RAPGEF5: variants seen among roughly 807,000 people sequenced by gnomAD.
RAPGEF5 encodes the protein Rap guanine nucleotide exchange factor 5.
A neutral mutation model predicts 125.2 loss-of-function variants in RAPGEF5; 65 were observed. The observed-to-expected ratio is 0.52, with a 90% CI of 0.43 to 0.64. RAPGEF5 has a LOEUF of 0.64. Among genes scored for constraint, RAPGEF5 ranks in the 30% least tolerant of loss-of-function variants. The pLI, the probability that RAPGEF5 is intolerant of heterozygous loss-of-function variation, is 0.00. For missense variants in RAPGEF5, 958 were observed against 1,048.1 expected (o/e 0.91, Z 1.19); for synonymous variants, 391 against 385.9 (o/e 1.01, Z -0.16).
At chr7:22,350,488 G>A (rs903097193) in intron 1 of RAPGEF5, among the ~76,000 whole-genome samples, 1 of 152,146 alleles carries the variant, frequency 6.6e-6, no homozygotes, top group Non-Finnish European at 1.5e-5. Context: ...AAGTTCCAAT[G>A]TACCCAACAC....
At chr7:22,333,353 T>C (rs1050049061) in intron 1 of RAPGEF5, among the ~76,000 whole-genome samples, 2 of 152,106 alleles carry the variant, frequency 1.3e-5, no homozygotes, top group Non-Finnish European at 2.9e-5. Flanking sequence ...GCATGGGATA[T>C]ACTTAGTCAT....
In RAPGEF5 at chr7:22,160,535, A is replaced by C; in HGVS notation, c.1509T>G (p.Leu503=). 6.5e-7 allele frequency: 1 copy of C among 1,547,790 alleles called. No individual in the cohort carries two copies. The highest frequency in any genetic ancestry group is 8.7e-7 in the Non-Finnish European group (1 of 1,146,032). Reference sequence around the variant, plus strand: ...ATACTTACTGACGACGGTGCATTCCAAGTATCTTTTGAAATTCTTTCAATT... The same window carrying C: ...ATACTTACTGACGACGGTGCATTCCCAGTATCTTTTGAAATTCTTTCAATT... The part of the protein sequence containing the change: ...EKELKEFQKI[L]GMHRRHTVDE... Residue 503 remains leucine (L), a synonymous_variant, in exon 14 of 26, where the codon CTT becomes CTG. Transcript: ENST00000665637.
chr7:22,140,018 G>A lies in RAPGEF5; in HGVS notation c.2277+7C>T, dbSNP rs543818564. The A allele has an allele frequency of 4.1e-5, 64 of 1,556,988 alleles. No individual in the cohort carries two copies. In the East Asian group the frequency reaches 1.5e-3, roughly 37 times the overall value. ...TGTGCCCCTCACCATGGGACTCCAAGGCTCACCTCCCAGGTCTGCGACAGT... is the reference window on the plus strand; with the variant it reads ...TGTGCCCCTCACCATGGGACTCCAAAGCTCACCTCCCAGGTCTGCGACAGT... On this transcript the variant is annotated splice_region_variant and intron_variant, in intron 21 of 25. Transcript: ENST00000665637.
At chr7:22,344,286 C>T (rs899808625) in intron 1 of RAPGEF5, among the ~76,000 whole-genome samples, 16 of 152,176 alleles carry the variant, frequency 1.1e-4, no homozygotes, top group Non-Finnish European at 8.8e-5. Context: ...TGGGCTCCTC[C>T]ATCCATCAAG....
intron 7 of RAPGEF5, among the ~76,000 whole-genome samples, chr7:22,231,643 C>A (rs1786060816): frequency 6.6e-6 from 1 of 152,216 alleles, no homozygotes; most frequent in Non-Finnish European, 1.5e-5. Context: ...TCTCTAGCTT[C>A]CTCCAAATGT....
intron 1 of RAPGEF5, among the ~76,000 whole-genome samples, chr7:22,320,846 C>T (rs1355973566): frequency 6.6e-6 from 1 of 152,110 alleles, no homozygotes; most frequent in Non-Finnish European, 1.5e-5. Flanking sequence ...TCTAAAGAAC[C>T]TATTAAGCCC....
intron 1 of RAPGEF5, among the ~76,000 whole-genome samples, chr7:22,345,704 T>TTTC: frequency 7.2e-6 from 1 of 138,670 alleles, no homozygotes. Flanking sequence ...AGCTTTTTTT[T>TTTC]TTTTTTTTTT....
chr7:22,125,341 T>G (rs919151576), intron 25 of RAPGEF5: 2 of 354,872 alleles, frequency 5.6e-6, no homozygotes, highest in Non-Finnish European at 1.1e-5. Flanking sequence ...GGGGAGGAGG[T>G]TTCTGAGTGT....
intron 5 of RAPGEF5, among the ~76,000 whole-genome samples, chr7:22,307,073 T>C (rs925662729): frequency 6.6e-6 from 1 of 152,232 alleles, no homozygotes; most frequent in Admixed American, 6.5e-5. Flanking sequence ...GGATTGTTTT[T>C]TCTATTTCTG....
At chr7:22,166,981 GA>G (rs1262420167) in intron 12 of RAPGEF5, 88 bp downstream of exon 12, 4 of 1,044,224 alleles carry the variant, frequency 3.8e-6, no homozygotes, top group Non-Finnish European at 5.9e-6. Context: ...CTATGGGGTT[GA>G]ATAAATTAAG....
chr7:22,331,095 C>T (rs1426911740), intron 1 of RAPGEF5, among the ~76,000 whole-genome samples: 1 of 152,114 alleles, frequency 6.6e-6, no homozygotes, highest in East Asian at 1.9e-4. Context: ...CAGAGAACGT[C>T]AGTACTCAGG....
At chr7:22,330,296 A>G (rs1783892326) in intron 1 of RAPGEF5, among the ~76,000 whole-genome samples, 1 of 152,208 alleles carries the variant, frequency 6.6e-6, no homozygotes, top group African/African-American at 2.4e-5. Flanking sequence ...TGTTGGCACT[A>G]ATGCTCCCTT....
At chr7:22,183,097 A>C (rs1274519786) in intron 11 of RAPGEF5, among the ~76,000 whole-genome samples, 1 of 151,846 alleles carries the variant, frequency 6.6e-6, no homozygotes, top group East Asian at 1.9e-4. Context: ...ACATAGTGAA[A>C]CCCTGTCTCT....
chr7:22,186,179 G>A (rs927016899), intron 11 of RAPGEF5, among the ~76,000 whole-genome samples: 1 of 152,112 alleles, frequency 6.6e-6, no homozygotes, highest in Non-Finnish European at 1.5e-5. Flanking sequence ...TGGATAAAGC[G>A]ATTTTCACAG....
chr7:22,302,038 G>T (rs1015246673), intron 5 of RAPGEF5, among the ~76,000 whole-genome samples: 1 of 152,176 alleles, frequency 6.6e-6, no homozygotes, highest in Non-Finnish European at 1.5e-5. Context: ...AAGATCAGTA[G>T]ATGCCTGGTA....
intron 5 of RAPGEF5, among the ~76,000 whole-genome samples, chr7:22,307,559 A>C (rs1215993943): frequency 6.6e-6 from 1 of 152,098 alleles, no homozygotes; most frequent in Non-Finnish European, 1.5e-5. Context: ...TCAACAGTCA[A>C]CTGTCATTTT....
chr7:22,201,185 A>G (rs186472762), intron 9 of RAPGEF5, among the ~76,000 whole-genome samples: 24 of 152,364 alleles, frequency 1.6e-4, no homozygotes, highest in Admixed American at 3.3e-4. Flanking sequence ...GAAGCTACCA[A>G]TGAGGAGCTG....
In RAPGEF5 at chr7:22,356,815, G is replaced by A; in HGVS notation, c.231+15C>T. Reference sequence around the variant, plus strand: ...GCGCCGCCCGTGCCCACTCGGACAGGGCCGGGCCACTCACCCGGCCCCCAG... The same window carrying A: ...GCGCCGCCCGTGCCCACTCGGACAGAGCCGGGCCACTCACCCGGCCCCCAG... On this transcript the variant is annotated intron_variant, in intron 1 of 25. Transcript: ENST00000665637. The A allele has an allele frequency of 8.6e-7, 1 of 1,158,626 alleles. No individual in the cohort carries two copies. The highest frequency in any genetic ancestry group is 1.1e-6 in the Non-Finnish European group (1 of 939,850). 71.8% of individuals were successfully genotyped at this position (1,158,626 alleles called of 1,614,324 possible).
chr7:22,170,420 G>A (rs957500720), intron 11 of RAPGEF5, among the ~76,000 whole-genome samples: 13 of 152,316 alleles, frequency 8.5e-5, no homozygotes, highest in Non-Finnish European at 1.8e-4. Context: ...CCACCAGTGC[G>A]CAGAAACCAT....
Sources: gnomAD v4.1 joint callset for allele counts (sites outside exome capture counted in the v4.1 genomes callset) on GRCh38, gnomAD v4.1.1 for gene constraint, MANE v1.5 for transcripts, NCBI Gene and HGNC (gene_info 2026-07-23, HGNC 2026-07-21) for gene names.